Variants in FHOD3 observed in about 807,000 individuals in gnomAD.
FHOD3 encodes the protein FH1/FH2 domain-containing protein 3.
Under a neutral mutation model 173.0 loss-of-function variants are expected in FHOD3, and 90 were observed. The ratio of observed to expected loss-of-function variants is 0.52; its 90% CI spans 0.44 to 0.62. The LOEUF is 0.62. Among genes scored for constraint, FHOD3 ranks in the 20% least tolerant of loss-of-function variants. The probability of loss-of-function intolerance (pLI) is 0.00; values close to 1 mark genes in which losing one functional copy is unlikely to be tolerated. For synonymous variants in FHOD3, 828 were observed against 823.0 expected (o/e 1.01, Z -0.10); for missense variants, 1,945 against 2,034.7 (o/e 0.96, Z 0.85).
At chr18:36,713,220 G>T (rs938580410) in intron 18 of FHOD3, among the ~76,000 whole-genome samples, 11 of 152,224 alleles carry the variant, frequency 7.2e-5, no homozygotes, top group Non-Finnish European at 1.2e-4. Flanking sequence ...TAGACTTTCT[G>T]CTTATGAGTT....
intron 2 of FHOD3, among the ~76,000 whole-genome samples, chr18:36,371,410 T>G (rs1003432717): frequency 2.6e-5 from 4 of 152,212 alleles, no homozygotes; most frequent in Non-Finnish European, 5.9e-5. Flanking sequence ...AAGGCACATC[T>G]TACATGGTGG....
chr18:36,355,746 C>T, intron 2 of FHOD3, 101 bp downstream of exon 2: 1 of 922,228 alleles, frequency 1.1e-6, no homozygotes. Flanking sequence ...ATGGCTTTGA[C>T]CTTCTCTTAA....
At chr18:36,689,124 T>C (rs1600249471) in intron 16 of FHOD3, among the ~76,000 whole-genome samples, 1 of 152,238 alleles carries the variant, frequency 6.6e-6, no homozygotes, top group East Asian at 1.9e-4. Flanking sequence ...TTGAATAACC[T>C]GGTGAAGATG....
chr18:36,586,291 A>G (rs1481437970), intron 6 of FHOD3, among the ~76,000 whole-genome samples: 1 of 152,202 alleles, frequency 6.6e-6, no homozygotes, highest in Admixed American at 6.5e-5. Flanking sequence ...CTATGCGACA[A>G]GTTACATAGC....
intron 1 of FHOD3, among the ~76,000 whole-genome samples, chr18:36,304,557 T>G (rs1446327917): frequency 2.0e-5 from 3 of 150,854 alleles, no homozygotes; most frequent in Non-Finnish European, 4.4e-5. Context: ...CATCAGTGGA[T>G]TTTTTTTTTC....
At chr18:36,369,494 C>CATAT (rs1298278868) in intron 2 of FHOD3, among the ~76,000 whole-genome samples, 1 of 112,984 alleles carries the variant, frequency 8.9e-6, no homozygotes, top group South Asian at 3.1e-4. Flanking sequence ...CACACACACA[C>CATAT]ACACATATAT....
At chr18:36,674,160 T>C (rs1299926697) in intron 14 of FHOD3, among the ~76,000 whole-genome samples, 1 of 152,184 alleles carries the variant, frequency 6.6e-6, no homozygotes, top group Non-Finnish European at 1.5e-5. Context: ...TGTGCTGAAA[T>C]CTGAACAATG....
intron 20 of FHOD3, among the ~76,000 whole-genome samples, chr18:36,737,143 G>C (rs767457819): frequency 2.0e-5 from 3 of 152,116 alleles, no homozygotes; most frequent in Admixed American, 2.0e-4. Context: ...AAATAAAATG[G>C]CAGGTGGCAA....
chr18:36,444,545 C>G (rs1221661034), intron 3 of FHOD3, among the ~76,000 whole-genome samples: 2 of 152,108 alleles, frequency 1.3e-5, no homozygotes, highest in South Asian at 2.1e-4. Context: ...CTTTCTTTCT[C>G]CCCCTCTTCT....
At chr18:36,393,014 T>C (rs945750094) in intron 3 of FHOD3, among the ~76,000 whole-genome samples, 5 of 152,216 alleles carry the variant, frequency 3.3e-5, no homozygotes, top group Admixed American at 1.3e-4. Flanking sequence ...GCCCACAATA[T>C]GCCTGTGCTT....
chr18:36,453,116 G>C (rs571076215), intron 3 of FHOD3, among the ~76,000 whole-genome samples: 6 of 152,182 alleles, frequency 3.9e-5, no homozygotes, highest in Admixed American at 2.0e-4. Flanking sequence ...CTAGATACTA[G>C]ATATTTGCCA....
At chr18:36,759,803 C>T (rs544202963) in intron 26 of FHOD3, among the ~76,000 whole-genome samples, 22 of 152,322 alleles carry the variant, frequency 1.4e-4, no homozygotes, top group African/African-American at 5.3e-4. Flanking sequence ...CACTGGGTGA[C>T]AAAGGAAGCC....
At chr18:36,503,287 G>A (rs181658820) in intron 4 of FHOD3, among the ~76,000 whole-genome samples, 1 of 152,260 alleles carries the variant, frequency 6.6e-6, no homozygotes, top group Non-Finnish European at 1.5e-5. Context: ...TTTTTCTTCT[G>A]TTAGGATTTT....
intron 5 of FHOD3, among the ~76,000 whole-genome samples, chr18:36,552,404 T>A (rs1360808865): frequency 2.6e-5 from 4 of 152,194 alleles, no homozygotes; most frequent in East Asian, 1.9e-4. Flanking sequence ...GGGCTGAGAC[T>A]ATCGGGTTTT....
At chr18:36,556,898 GT>G (rs2057909837) in intron 5 of FHOD3, among the ~76,000 whole-genome samples, 1 of 152,160 alleles carries the variant, frequency 6.6e-6, no homozygotes, top group African/African-American at 2.4e-5. Flanking sequence ...ATCTGAACAG[GT>G]CTTTATTTCA....
At position 36,736,515 on chromosome 18, in the gene FHOD3, G is replaced by T. The variant is rs1020113335; in HGVS notation, c.3577-4141G>T. Among the ~76,000 whole-genome samples, 3 of 152,316 alleles carry T rather than the reference G, an allele frequency of 2.0e-5. No individual in the cohort carries two copies. The East Asian group carries it at 5.8e-4, about 29-fold the overall frequency. ...AAAGTGGCTCTCAGCAAGAAGGAGA[G>T]CTGGAAAGGGGATGGAATGGGAAAG... On this transcript the variant is annotated intron_variant, in intron 20 of 28. Coordinates refer to ENST00000590592, the MANE Select transcript of FHOD3 (RefSeq NM_001281740.3).
chr18:36,333,444 A>G (rs1391201530), intron 1 of FHOD3, among the ~76,000 whole-genome samples: 1 of 152,280 alleles, frequency 6.6e-6, no homozygotes, highest in African/African-American at 2.4e-5. Flanking sequence ...GAAAGGATCC[A>G]AACCATTGTA....
chr18:36,610,121 C>A (rs1264783970), intron 8 of FHOD3, among the ~76,000 whole-genome samples: 1 of 152,184 alleles, frequency 6.6e-6, no homozygotes, highest in Non-Finnish European at 1.5e-5. Flanking sequence ...AGCGGCCTCT[C>A]TCTGTGCCTG....
At chr18:36,757,092 C>G (rs2042662800) in intron 25 of FHOD3, among the ~76,000 whole-genome samples, 1 of 152,194 alleles carries the variant, frequency 6.6e-6, no homozygotes, top group Non-Finnish European at 1.5e-5. Flanking sequence ...TTGCTAAATT[C>G]TTGAGATTTT....
Sources: gnomAD v4.1 joint callset for allele counts (sites outside exome capture counted in the v4.1 genomes callset) on GRCh38, gnomAD v4.1.1 for gene constraint, MANE v1.5 for transcripts, NCBI Gene and HGNC (gene_info 2026-07-23, HGNC 2026-07-21) for gene names.